The following CPAMD8 variants were observed in gnomAD, a reference collection of about 807,000 sequenced individuals.
CPAMD8 encodes C3 and PZP-like alpha-2-macroglobulin domain-containing protein 8.
CPAMD8 carries 146 observed loss-of-function variants against 224.7 expected under a neutral mutation model. That is an observed-to-expected ratio of 0.65 (90% CI 0.57 to 0.75). CPAMD8 has a LOEUF of 0.75. Ranked by LOEUF, CPAMD8 falls within the 30% of genes least tolerant of loss-of-function variation. The pLI is 0.00. For missense variants in CPAMD8, 2,301 were observed against 2,537.5 expected (o/e 0.91, Z 2.00); for synonymous variants, 966 against 1,044.6 (o/e 0.92, Z 1.45).
intron 23 of CPAMD8, among the ~76,000 whole-genome samples, chr19:16,934,072 C>A (rs1261876177): frequency 6.6e-6 from 1 of 152,046 alleles, no homozygotes; most frequent in African/African-American, 2.4e-5. Context: ...AGAAACCAGA[C>A]AAAAAGAATA....
At chr19:16,988,918 C>T (rs1599856281) in intron 13 of CPAMD8, among the ~76,000 whole-genome samples, 1 of 152,148 alleles carries the variant, frequency 6.6e-6, no homozygotes, top group Non-Finnish European at 1.5e-5. Context: ...GCAGTGGCAG[C>T]ATTAGATTCT....
chr19:16,958,240 C>T (rs2054536918), intron 18 of CPAMD8, among the ~76,000 whole-genome samples: 1 of 152,154 alleles, frequency 6.6e-6, no homozygotes, highest in Non-Finnish European at 1.5e-5. Flanking sequence ...TAAGCCTATG[C>T]CCAATAGTTA....
chr19:16,943,557 C>G (rs974919948), intron 22 of CPAMD8, among the ~76,000 whole-genome samples: 29 of 152,194 alleles, frequency 1.9e-4, no homozygotes, highest in Non-Finnish European at 4.1e-4. Flanking sequence ...TGTGAGCCAC[C>G]ACACCCAGCC....
chr19:16,966,265 G>A (rs762204972), intron 18 of CPAMD8, among the ~76,000 whole-genome samples: 14 of 152,186 alleles, frequency 9.2e-5, no homozygotes, highest in Non-Finnish European at 7.3e-5. Context: ...TTAATAAATG[G>A]TGCTGGGAAA....
chr19:16,992,362 GA>G (rs2055984703), intron 12 of CPAMD8, among the ~76,000 whole-genome samples: 1 of 152,192 alleles, frequency 6.6e-6, no homozygotes, highest in African/African-American at 2.4e-5. Flanking sequence ...GGCTGAGGTG[GA>G]AGGATGGCTT....
In CPAMD8 at chr19:16,954,900, G is replaced by A. The variant is rs570928078; in HGVS notation, c.2277-2700C>T. On this transcript the variant is annotated intron_variant, in intron 19 of 41. Coordinates refer to ENST00000443236, the MANE Select transcript of CPAMD8 (RefSeq NM_015692.5). ...TCCCAGCACTTTGGGAGGCCGAGGCGGGCGGATCACGAGGTCAGGAGATCG... is the reference window on the plus strand; with the variant it reads ...TCCCAGCACTTTGGGAGGCCGAGGCAGGCGGATCACGAGGTCAGGAGATCG... 6.6e-5 allele frequency among the ~76,000 whole-genome samples: 10 copies of A among 152,268 alleles called. No individual in the cohort carries two copies. In the South Asian group the frequency reaches 1.0e-3, roughly 16 times the overall value.
chr19:16,909,283 G>A (rs2052636246), intron 29 of CPAMD8, among the ~76,000 whole-genome samples: 1 of 152,144 alleles, frequency 6.6e-6, no homozygotes, highest in South Asian at 2.1e-4. Flanking sequence ...GGTGGCTCAC[G>A]CCTGTAATCC....
At chr19:16,906,083 C>A (rs2052465567) in intron 30 of CPAMD8, among the ~76,000 whole-genome samples, 3 of 152,110 alleles carry the variant, frequency 2.0e-5, no homozygotes, top group Admixed American at 6.6e-5. Flanking sequence ...TCTGAGAACT[C>A]CCCTTCCAGA....
intron 14 of CPAMD8, 125 bp from the exon 15 acceptor site, chr19:16,977,665 A>C (rs912773838): frequency 3.0e-6 from 2 of 669,152 alleles, no homozygotes; most frequent in African/African-American, 3.7e-5. Context: ...GACAGTCTGC[A>C]TCTTTGGTTT....
chr19:16,990,872 A>C (rs1267027315), intron 12 of CPAMD8, among the ~76,000 whole-genome samples: 2 of 58,332 alleles, frequency 3.4e-5, no homozygotes, highest in Non-Finnish European at 8.6e-5. Flanking sequence ...TCAAAAAAAA[A>C]AAAAAAAAAA....
rs901226578 is a variant in CPAMD8, at chr19:17,026,178, G to C, written c.92+373C>G. On this transcript the variant is annotated intron_variant, in intron 1 of 41. Coordinates refer to ENST00000443236, the MANE Select transcript of CPAMD8 (RefSeq NM_015692.5). ...CAAACACTTCCTCCTCCCTCACCAC[G>C]CCCACCCACGGGAAAGTGCCCCTTC... Among the ~76,000 whole-genome samples, 8 of 152,004 alleles carry C rather than the reference G, an allele frequency of 5.3e-5. 1 individual carries two copies. In the South Asian group the frequency reaches 1.7e-3, roughly 32 times the overall value.
At chr19:16,935,258 C>A (rs2053651394) in intron 23 of CPAMD8, among the ~76,000 whole-genome samples, 1 of 152,130 alleles carries the variant, frequency 6.6e-6, no homozygotes, top group Non-Finnish European at 1.5e-5. Context: ...TCTTATTCAG[C>A]TTTCTCCAAT....
intron 3 of CPAMD8, chr19:17,013,542 T>TAAAATAAAATAAAATAAAATAAAAA: frequency 2.7e-5 from 4 of 150,418 alleles, no homozygotes; most frequent in Non-Finnish European, 5.9e-5. Flanking sequence ...TAAAATAAAA[T>TAAAATAAAATAAAATAAAATAAAAA]AAAAATCACA....
intron 26 of CPAMD8, 62 bp from the exon 27 acceptor site, chr19:16,922,048 G>T: frequency 8.7e-7 from 1 of 1,151,810 alleles, no homozygotes; most frequent in Non-Finnish European, 1.2e-6. Context: ...CCGCCCCCAG[G>T]GACCTACACC....
intron 13 of CPAMD8, among the ~76,000 whole-genome samples, chr19:16,985,530 G>A (rs1433049227): frequency 1.3e-5 from 2 of 150,604 alleles, no homozygotes; most frequent in East Asian, 3.9e-4. Flanking sequence ...AATGGATAGG[G>A]GTAGTGGGTG....
chr19:16,968,074 C>G (rs2054921978), intron 18 of CPAMD8, among the ~76,000 whole-genome samples: 1 of 152,004 alleles, frequency 6.6e-6, no homozygotes. Context: ...TTTTACAAAG[C>G]TGCTGCTTCT....
intron 22 of CPAMD8, among the ~76,000 whole-genome samples, chr19:16,942,322 T>C (rs2122198685): frequency 6.6e-6 from 1 of 151,812 alleles, no homozygotes; most frequent in Non-Finnish European, 1.5e-5. Context: ...ATTAGCCAGG[T>C]GTGGTGGTGC....
chr19:16,944,888 G>GGCT (rs60083588), intron 22 of CPAMD8, among the ~76,000 whole-genome samples: 45,692 of 151,742 alleles, frequency 0.3, 8,270 homozygotes, highest in African/African-American at 0.51. Context: ...TGCTGTTAGG[G>GGCT]GCTGTTGGTG....
chr19:16,915,937 C>G (rs2052940610), intron 27 of CPAMD8, among the ~76,000 whole-genome samples: 1 of 149,538 alleles, frequency 6.7e-6, no homozygotes, highest in Non-Finnish European at 1.5e-5. Context: ...TTTTCTCTCT[C>G]TCTTTTCTTT....
Sources: gnomAD v4.1 joint callset for allele counts (sites outside exome capture counted in the v4.1 genomes callset) on GRCh38, gnomAD v4.1.1 for gene constraint, MANE v1.5 for transcripts, NCBI Gene and HGNC (gene_info 2026-07-23, HGNC 2026-07-21) for gene names.